Variants in RAP1GAP2 observed in about 807,000 individuals in gnomAD.
RAP1GAP2 encodes the protein RAP1 GTPase activating protein 2.
RAP1GAP2 carries 27 observed loss-of-function variants against 95.0 expected under a neutral mutation model. The observed-to-expected ratio is 0.28, with a 90% confidence interval of 0.21 to 0.39. The LOEUF (loss-of-function observed/expected upper bound fraction) is 0.39, where lower values mean the gene tolerates loss of function less well. Ranked by LOEUF, RAP1GAP2 falls within the 10% of genes least tolerant of loss-of-function variation. RAP1GAP2 has a pLI of 1.00. For synonymous variants in RAP1GAP2, 373 were observed against 380.9 expected (o/e 0.98, Z 0.24); for missense variants, 771 against 970.0 (o/e 0.79, Z 2.72).
intron 2 of RAP1GAP2, among the ~76,000 whole-genome samples, chr17:2,850,352 A>G (rs2071784079): frequency 6.6e-6 from 1 of 152,070 alleles, no homozygotes; most frequent in Non-Finnish European, 1.5e-5. Flanking sequence ...GTCAGGCAAC[A>G]GTATTGAGGC....
intron 2 of RAP1GAP2, among the ~76,000 whole-genome samples, chr17:2,887,749 A>C (rs1350115993): frequency 6.7e-6 from 1 of 149,168 alleles, no homozygotes; most frequent in Non-Finnish European, 1.5e-5. Context: ...ATCTCAGCTC[A>C]CTGCAACCTA....
intron 3 of RAP1GAP2, among the ~76,000 whole-genome samples, chr17:2,931,280 TTGTGTGTGTG>T (rs34690298): frequency 0.12 from 18,093 of 146,716 alleles, 1,310 homozygotes; most frequent in Middle Eastern, 0.18. Context: ...TGAGTGTTTC[TTGTGTGTGTG>T]TGTGTGTGTG....
intron 2 of RAP1GAP2, among the ~76,000 whole-genome samples, chr17:2,868,182 C>A (rs1354490904): frequency 6.6e-6 from 1 of 152,164 alleles, no homozygotes; most frequent in Admixed American, 6.6e-5. Context: ...GATTGCCCCT[C>A]CTTCCAGACG....
intron 19 of RAP1GAP2, among the ~76,000 whole-genome samples, chr17:3,024,126 C>G (rs567253345): frequency 2.0e-5 from 3 of 151,838 alleles, no homozygotes; most frequent in Non-Finnish European, 2.9e-5. Context: ...CAGTAGAGTA[C>G]CACATTTAAG....
At chr17:2,939,764 G>A (rs1460818491) in intron 3 of RAP1GAP2, among the ~76,000 whole-genome samples, 3 of 152,234 alleles carry the variant, frequency 2.0e-5, no homozygotes, top group South Asian at 2.1e-4. Context: ...ACCTGCTGGC[G>A]TGGGGCCTCT....
intron 1 of RAP1GAP2, among the ~76,000 whole-genome samples, chr17:2,789,602 T>C (rs1183591548): frequency 4.1e-4 from 42 of 103,304 alleles, no homozygotes; most frequent in Non-Finnish European, 1.5e-4. Flanking sequence ...ACAGACAGTC[T>C]CTACTAAAAA....
At chr17:2,892,423 T>C (rs931796834) in intron 2 of RAP1GAP2, among the ~76,000 whole-genome samples, 2 of 152,294 alleles carry the variant, frequency 1.3e-5, no homozygotes. Context: ...GGCTTCTCTC[T>C]GCTTTCACAA....
At position 2,842,529 on chromosome 17, in the gene RAP1GAP2, CAAAAAAA is replaced by C. The variant is rs34473053; in HGVS notation, c.80+41996_80+42002del. Among the ~76,000 whole-genome samples, 335 of 78,070 alleles carry C rather than the reference CAAAAAAA, an allele frequency of 4.3e-3. 1 individual carries two copies. Among genetic ancestry groups the C allele is most frequent in the African/African-American group, 0.015 (321 of 21,684 alleles). The allele number at this position is 78,070 out of a possible 152,430, so 51.2% of individuals were successfully genotyped here. On this transcript the variant is annotated intron_variant, in intron 2 of 24. Coordinates refer to ENST00000254695, the MANE Select transcript of RAP1GAP2 (RefSeq NM_015085.5). ...TGGGTGACAGAGCGAGATTCCGTCT[CAAAAAAA>C]AAAAAAAAAAAAAAAATACCACTTT...
At chr17:2,970,166 C>A (rs912873370) in intron 8 of RAP1GAP2, among the ~76,000 whole-genome samples, 1 of 147,986 alleles carries the variant, frequency 6.8e-6, no homozygotes, top group Non-Finnish European at 1.5e-5. Context: ...CCTAGCTACT[C>A]GGGAGGCTGA....
At chr17:2,848,599 C>T (rs1180782872) in intron 2 of RAP1GAP2, among the ~76,000 whole-genome samples, 3 of 151,918 alleles carry the variant, frequency 2.0e-5, no homozygotes. Flanking sequence ...ACTACAACCT[C>T]CGCCTCTGGG....
chr17:2,949,393 G>C (rs1223547732), intron 3 of RAP1GAP2, among the ~76,000 whole-genome samples: 1 of 152,252 alleles, frequency 6.6e-6, no homozygotes, highest in Non-Finnish European at 1.5e-5. Context: ...ATGCCAGTGA[G>C]TCAGTGAGCA....
intron 2 of RAP1GAP2, among the ~76,000 whole-genome samples, chr17:2,822,082 C>T (rs929545657): frequency 5.3e-5 from 8 of 152,174 alleles, no homozygotes; most frequent in Non-Finnish European, 1.0e-4. Flanking sequence ...CTCCTGCCTC[C>T]TTGGGCAGAC....
chr17:2,824,133 A>G (rs1206955894), intron 2 of RAP1GAP2, among the ~76,000 whole-genome samples: 9 of 146,866 alleles, frequency 6.1e-5, no homozygotes, highest in Non-Finnish European at 9.0e-5. Flanking sequence ...AAAAAAAAAA[A>G]AAAGAAAGAA....
intron 12 of RAP1GAP2, among the ~76,000 whole-genome samples, chr17:2,994,180 G>T (rs951547838): frequency 6.6e-6 from 1 of 152,128 alleles, no homozygotes; most frequent in Non-Finnish European, 1.5e-5. Context: ...CCACGATCAC[G>T]TGCTGATTTA....
At position 3,027,000 on chromosome 17, in the gene RAP1GAP2, G is replaced by A. The variant is rs749406980; in HGVS notation, c.2037G>A (p.Pro679=). The A allele has an allele frequency of 1.6e-5, 25 of 1,561,772 alleles. No individual in the cohort carries two copies. The highest frequency in any genetic ancestry group is 4.8e-5 in the East Asian group (2 of 41,568). Residue 679 remains proline (P), a synonymous_variant, in exon 22 of 25, where the codon CCG becomes CCA. Transcript: ENST00000254695. The part of the protein sequence containing the change: ...PFKQEVFVYS[P]SPSSESPSLG... ...AGCAGGAGGTGTTTGTCTACAGCCCGTCCCCGAGCAGCGAGAGCCCCAGCC... is the reference window on the plus strand; with the variant it reads ...AGCAGGAGGTGTTTGTCTACAGCCCATCCCCGAGCAGCGAGAGCCCCAGCC...
intron 3 of RAP1GAP2, among the ~76,000 whole-genome samples, chr17:2,936,252 C>T (rs1489514919): frequency 1.1e-5 from 1 of 90,790 alleles, no homozygotes; most frequent in Non-Finnish European, 2.0e-5. Flanking sequence ...TGCTATCCCT[C>T]CCCCCTCCCC....
intron 2 of RAP1GAP2, among the ~76,000 whole-genome samples, chr17:2,826,100 C>G (rs62089699): frequency 0.18 from 27,260 of 148,426 alleles, 2,878 homozygotes; most frequent in South Asian, 0.33. Flanking sequence ...GCTGCCTCAG[C>G]TTCCCGAGTA....
intron 1 of RAP1GAP2, among the ~76,000 whole-genome samples, chr17:2,780,338 G>A (rs920484312): frequency 2.4e-4 from 37 of 152,200 alleles, no homozygotes; most frequent in African/African-American, 7.7e-4. Context: ...GGCGGGAGCC[G>A]CCGCCTCTGG....
intron 2 of RAP1GAP2, among the ~76,000 whole-genome samples, chr17:2,895,893 C>T (rs1326417485): frequency 6.6e-6 from 1 of 152,038 alleles, no homozygotes; most frequent in Non-Finnish European, 1.5e-5. Flanking sequence ...TCCCCTTTTG[C>T]CAGCCTGCTG....
Sources: gnomAD v4.1 joint callset for allele counts (sites outside exome capture counted in the v4.1 genomes callset) on GRCh38, gnomAD v4.1.1 for gene constraint, MANE v1.5 for transcripts, NCBI Gene and HGNC (gene_info 2026-07-23, HGNC 2026-07-21) for gene names.